PKHD1L1: variants seen among roughly 807,000 people sequenced by gnomAD.
PKHD1L1 encodes fibrocystin-L.
In PKHD1L1, 434 loss-of-function variants were observed where a neutral mutation model predicts 462.9. The ratio of observed to expected loss-of-function variants is 0.94; its 90% CI spans 0.87 to 1.02. The LOEUF is 1.02. Ranked by LOEUF, PKHD1L1 falls within the 50% of genes least tolerant of loss-of-function variation. The pLI, the probability that PKHD1L1 is intolerant of heterozygous loss-of-function variation, is 0.00. For missense variants in PKHD1L1, 5,202 were observed against 5,096.1 expected (o/e 1.02, Z -0.63); for synonymous variants, 1,781 against 1,750.0 (o/e 1.02, Z -0.44).
intron 4 of PKHD1L1, 129 bp from the exon 5 acceptor site, chr8:109,383,941 A>C: frequency 1.4e-6 from 1 of 715,924 alleles, no homozygotes; most frequent in Non-Finnish European, 2.4e-6. Context: ...TTATTTAAAT[A>C]TCTTCTTTCC....
At chr8:109,402,086 C>T (rs1813301678) in intron 14 of PKHD1L1, among the ~76,000 whole-genome samples, 1 of 152,090 alleles carries the variant, frequency 6.6e-6, no homozygotes, top group South Asian at 2.1e-4. Flanking sequence ...GTTGAAAGGT[C>T]AAGTCCAAGG....
intron 7 of PKHD1L1, 54 bp downstream of exon 7, chr8:109,388,604 C>A: frequency 4.8e-6 from 6 of 1,242,434 alleles, no homozygotes; most frequent in Non-Finnish European, 5.7e-6. Context: ...TATAAGCATA[C>A]TAAATTTAAA....
At chr8:109,387,084 G>C (rs1812481083) in intron 6 of PKHD1L1, among the ~76,000 whole-genome samples, 1 of 152,094 alleles carries the variant, frequency 6.6e-6, no homozygotes, top group Non-Finnish European at 1.5e-5. Flanking sequence ...TGATACCAGG[G>C]CTCCCAAGGC....
Position 109,444,968 on chromosome 8 carries a change from G to A in PKHD1L1, c.5099G>A (p.Cys1700Tyr). ...GVKVLMGHFPCKVLSVNYTAI... is the reference protein window; with the variant it reads ...GVKVLMGHFPYKVLSVNYTAI... ...AAAGTCCTTATGGGTCATTTCCCAT[G>A]TAAAGTTCTATCAGTGAATTATACG... is the stretch of plus-strand genomic sequence containing the variant. The change falls in exon 38 of 78, where the codon TGT (cysteine) becomes TAT (tyrosine). Residue 1700 changes from cysteine (C) to tyrosine (Y), a missense_variant. By Grantham distance (194) the Cys-to-Tyr change is radical. Around this residue, in one of 3 missense-constraint regions of PKHD1L1, gnomAD observed 4,497 missense variants for 4,336.8 expected, o/e 1.04. Transcript: ENST00000378402. 6.2e-7 allele frequency: 1 copy of A among 1,614,004 alleles called. No homozygotes were observed. Among genetic ancestry groups the A allele is most frequent in the Non-Finnish European group, 8.5e-7 (1 of 1,179,884 alleles).
intron 39 of PKHD1L1, among the ~76,000 whole-genome samples, chr8:109,448,676 T>C (rs1816309526): frequency 6.7e-6 from 1 of 148,300 alleles, no homozygotes; most frequent in Middle Eastern, 3.4e-3. Context: ...CATGCCTGGC[T>C]AATTTTTTTT....
At chr8:109,467,891 T>A (rs1006622927) in intron 50 of PKHD1L1, among the ~76,000 whole-genome samples, 1 of 152,260 alleles carries the variant, frequency 6.6e-6, no homozygotes, top group Non-Finnish European at 1.5e-5. Context: ...TCTAAACACA[T>A]AATAAGGAAT....
chr8:109,444,156 C>T (rs1815985128), intron 37 of PKHD1L1, among the ~76,000 whole-genome samples: 1 of 151,900 alleles, frequency 6.6e-6, no homozygotes, highest in African/African-American at 2.4e-5. Flanking sequence ...AGATATCACA[C>T]CTAACCCCTC....
At chr8:109,492,669 G>A (rs1362646304) in intron 62 of PKHD1L1, among the ~76,000 whole-genome samples, 4 of 151,706 alleles carry the variant, frequency 2.6e-5, no homozygotes, top group Admixed American at 6.6e-5. Flanking sequence ...CTGTTTATAC[G>A]TATAGAATAT....
intron 25 of PKHD1L1, among the ~76,000 whole-genome samples, chr8:109,429,046 AT>A (rs1814933249): frequency 6.6e-6 from 1 of 152,136 alleles, no homozygotes; most frequent in African/African-American, 2.4e-5. Context: ...TAGTAGATTC[AT>A]TTTTAGATTT....
rs909404321 is a variant in PKHD1L1, at chr8:109,405,506, C to T, written c.1669+376C>T. ...TGGTACACCATAGAATACTATGCAG[C>T]CATAAAAAGGGATGAGATCATGTCC... On this transcript the variant is annotated intron_variant, in intron 16 of 77. Transcript: ENST00000378402. Among the ~76,000 whole-genome samples, 16 of 152,100 alleles carry T rather than the reference C, an allele frequency of 1.1e-4. No individual in the cohort carries two copies. In the East Asian group the frequency reaches 2.9e-3, roughly 28 times the overall value.
intron 23 of PKHD1L1, among the ~76,000 whole-genome samples, chr8:109,424,607 A>T (rs1814641823): frequency 1.4e-5 from 2 of 147,686 alleles, no homozygotes; most frequent in African/African-American, 2.5e-5. Context: ...TTAAACAAGT[A>T]TTTTTTTTTT....
chr8:109,530,075 T>C lies in PKHD1L1; in HGVS notation c.12722-5T>C. The stretch of plus-strand genomic sequence containing the variant: ...AAATTGTTTTGTATTGTTTCCATTT[T>C]TCAGGAAGCTACTAAAGTGCTGTTC... On this transcript the variant is annotated splice_polypyrimidine_tract_variant and splice_region_variant and intron_variant, in intron 77 of 77. Coordinates refer to ENST00000378402, the MANE Select transcript of PKHD1L1 (RefSeq NM_177531.6). 3.0e-6 allele frequency: 4 copies of C among 1,351,158 alleles called. No homozygotes were observed. Among genetic ancestry groups the C allele is most frequent in the Non-Finnish European group, 9.7e-7 (1 of 1,027,462 alleles). The allele number at this position is 1,351,158 out of a possible 1,614,324, so 83.7% of individuals were successfully genotyped here.
chr8:109,480,382 T>C (rs1047951767), intron 55 of PKHD1L1, among the ~76,000 whole-genome samples: 4 of 152,002 alleles, frequency 2.6e-5, no homozygotes, highest in Admixed American at 1.3e-4. Flanking sequence ...CCAGTTTCCA[T>C]TGTGTATAGA....
At chr8:109,383,258 TA>T (rs1353569140) in intron 4 of PKHD1L1, among the ~76,000 whole-genome samples, 3 of 92,990 alleles carry the variant, frequency 3.2e-5, no homozygotes, top group Admixed American at 3.1e-4. Context: ...ATATAATAGA[TA>T]ATTATATAAT....
intron 63 of PKHD1L1, among the ~76,000 whole-genome samples, chr8:109,494,133 T>C (rs1032230252): frequency 1.3e-5 from 2 of 151,936 alleles, no homozygotes; most frequent in African/African-American, 4.8e-5. Context: ...TCACTATTCA[T>C]ATGTTAAACC....
intron 58 of PKHD1L1, among the ~76,000 whole-genome samples, chr8:109,485,483 T>A (rs1029342463): frequency 2.6e-5 from 4 of 151,998 alleles, no homozygotes; most frequent in Non-Finnish European, 5.9e-5. Flanking sequence ...AATTTGAGGA[T>A]CCTTGATCCA....
intron 67 of PKHD1L1, among the ~76,000 whole-genome samples, chr8:109,500,979 T>A (rs761450909): frequency 6.6e-6 from 1 of 152,158 alleles, no homozygotes; most frequent in Non-Finnish European, 1.5e-5. Context: ...ATCTGGGAAC[T>A]ATGACCTCCA....
intron 63 of PKHD1L1, 132 bp downstream of exon 63, chr8:109,493,883 A>T (rs960238763): frequency 3.7e-6 from 2 of 533,872 alleles, no homozygotes; most frequent in Non-Finnish European, 6.5e-6. Flanking sequence ...ACTCAACAAG[A>T]TAAATTATTT....
Position 109,523,198 on chromosome 8 carries a change from ATTGTTAT to A in PKHD1L1, c.12331-34_12331-28del, listed in dbSNP as rs751139816. 1.4e-5 allele frequency: 21 copies of A among 1,525,026 alleles called. No individual in the cohort carries two copies. The African/African-American group carries it at 2.1e-4, about 15-fold the overall frequency. 94.5% of individuals were successfully genotyped at this position (1,525,026 alleles called of 1,614,324 possible). A position where few individuals can be genotyped will look rare whatever the true frequency, so the allele number is the denominator to read the frequency against. On this transcript the variant is annotated intron_variant, in intron 75 of 77. Coordinates refer to ENST00000378402, the MANE Select transcript of PKHD1L1 (RefSeq NM_177531.6). Reference sequence around the variant, plus strand: ...TTTTTAAAAGCATGGAAACAGGACAATTGTTATAATTATCTACTTTTTTTTTTTTTTT... The same window carrying A: ...TTTTTAAAAGCATGGAAACAGGACAAAATTATCTACTTTTTTTTTTTTTTT...
Sources: allele counts gnomAD v4.1 joint callset (sites outside exome capture counted in the v4.1 genomes callset), GRCh38; gene constraint gnomAD v4.1.1; regional missense constraint gnomAD v4.1.1; transcripts MANE v1.5; gene names NCBI Gene and HGNC (gene_info 2026-07-23, HGNC 2026-07-21).